Variants in BTBD9 observed in about 807,000 individuals in gnomAD.
BTBD9 encodes the protein BTB domain containing 9, also known as BTB/POZ domain-containing protein 9.
BTBD9 carries 49 observed loss-of-function variants against 64.3 expected under a neutral mutation model. That is an observed-to-expected ratio of 0.76 (90% confidence interval 0.61 to 0.97). BTBD9 has a LOEUF of 0.97. Ranked by LOEUF, BTBD9 falls within the 50% of genes least tolerant of loss-of-function variation. The pLI, the probability that BTBD9 is intolerant of heterozygous loss-of-function variation, is 0.00. For missense variants in BTBD9, 598 were observed against 762.1 expected, an observed-to-expected ratio of 0.78 and a Z score of 2.53; for synonymous variants, 260 against 274.7, an observed-to-expected ratio of 0.95 and a Z score of 0.53.
intron 9 of BTBD9, among the ~76,000 whole-genome samples, chr6:38,198,356 G>C (rs563177925): frequency 6.6e-6 from 1 of 152,288 alleles, no homozygotes; most frequent in East Asian, 1.9e-4. Flanking sequence ...AGAAGCAGAG[G>C]ACAGGAGAGC....
intron 1 of BTBD9, among the ~76,000 whole-genome samples, chr6:38,620,639 G>A (rs189446563): frequency 6.8e-4 from 103 of 152,262 alleles, no homozygotes; most frequent in African/African-American, 1.7e-3. Context: ...TAAACCGAAG[G>A]CCCAGCTCTG....
rs1762119672 is a variant in BTBD9 at position 38,192,528 on chromosome 6, T to C, written c.1632A>G (p.Thr544=). 6.2e-7 allele frequency: 1 copy of C among 1,613,640 alleles called. No homozygotes were observed. Among genetic ancestry groups the C allele is most frequent in the South Asian group, 1.1e-5 (1 of 91,036 alleles). Residue 544 remains threonine (T), a synonymous_variant, in exon 10 of 11, where the codon ACA becomes ACG. Coordinates refer to ENST00000481247, the MANE Select transcript of BTBD9 (RefSeq NM_001099272.2). ...GAAAAGAGACCCTTACCTCATTTGCTGTGTTGTGTGTCCCAACGATACGGA... is the reference window on the plus strand; with the variant it reads ...GAAAAGAGACCCTTACCTCATTTGCCGTGTTGTGTGTCCCAACGATACGGA... ...SFIRIVGTHN[T]ANEVFHCVHF...
At chr6:38,289,687 T>C (rs567323109) in intron 7 of BTBD9, among the ~76,000 whole-genome samples, 94 of 152,342 alleles carry the variant, frequency 6.2e-4, no homozygotes, top group African/African-American at 1.9e-3. Flanking sequence ...GCAACATATA[T>C]GCTCTTCCCA....
chr6:38,636,470 C>T lies in BTBD9; in HGVS notation c.-28+3330G>A, dbSNP rs13213498. ...TCTCCACTTCAAACCTGTTCCTCTT[C>T]CTGTGATTTCTAACTTAATGTCATC... is the stretch of plus-strand genomic sequence containing the variant. On this transcript the variant is annotated intron_variant, in intron 1 of 10. Coordinates refer to ENST00000481247, the MANE Select transcript of BTBD9 (RefSeq NM_001099272.2). Among the ~76,000 whole-genome samples the T allele has an allele frequency of 3.7e-3, 557 of 152,318 alleles. 7 individuals are homozygous for T. The highest frequency in any genetic ancestry group is 0.014 in the Middle Eastern group (4 of 294).
chr6:38,405,176 T>C (rs563820774), intron 6 of BTBD9, among the ~76,000 whole-genome samples: 1 of 152,336 alleles, frequency 6.6e-6, no homozygotes, highest in Admixed American at 6.5e-5. Context: ...GAATGCTAAA[T>C]AGACAATCTA....
intron 6 of BTBD9, among the ~76,000 whole-genome samples, chr6:38,370,931 C>T (rs1441478244): frequency 6.6e-6 from 1 of 152,152 alleles, no homozygotes; most frequent in Non-Finnish European, 1.5e-5. Context: ...CCAGTTTCCA[C>T]ATGGGAAATG....
chr6:38,185,723 GCTTT>G (rs1761787534), intron 10 of BTBD9, among the ~76,000 whole-genome samples: 1 of 152,314 alleles, frequency 6.6e-6, no homozygotes, highest in African/African-American at 2.4e-5. Flanking sequence ...TTGTCCCCTT[GCTTT>G]CTTTTTCTTA....
At chr6:38,284,877 C>T (rs1761670143) in intron 8 of BTBD9, among the ~76,000 whole-genome samples, 1 of 151,154 alleles carries the variant, frequency 6.6e-6, no homozygotes, top group Non-Finnish European at 1.5e-5. Flanking sequence ...GAGATGCAAA[C>T]AATGATATCA....
intron 9 of BTBD9, among the ~76,000 whole-genome samples, chr6:38,241,599 G>A (rs960913406): frequency 2.0e-5 from 3 of 152,232 alleles, no homozygotes; most frequent in East Asian, 1.9e-4. Flanking sequence ...GCTGGTAAAT[G>A]TGTGCAATTC....
intron 6 of BTBD9, among the ~76,000 whole-genome samples, chr6:38,491,322 T>C (rs1042113876): frequency 2.6e-5 from 4 of 152,228 alleles, no homozygotes; most frequent in African/African-American, 9.6e-5. Context: ...AGTTACATAA[T>C]AGTGGCATTG....
intron 1 of BTBD9, among the ~76,000 whole-genome samples, chr6:38,635,250 C>T: frequency 6.6e-6 from 1 of 152,046 alleles, no homozygotes; most frequent in East Asian, 1.9e-4. Context: ...ATTCTCTTGC[C>T]TTAACCTCCT....
intron 1 of BTBD9, among the ~76,000 whole-genome samples, chr6:38,600,141 T>C (rs1190773877): frequency 6.6e-6 from 1 of 152,202 alleles, no homozygotes; most frequent in Admixed American, 6.5e-5. Context: ...CTGTGTAATA[T>C]AGGAGCTGGA....
chr6:38,523,664 CCAA>C (rs1012657641), intron 6 of BTBD9, among the ~76,000 whole-genome samples: 109 of 152,306 alleles, frequency 7.2e-4, no homozygotes, highest in African/African-American at 2.4e-3. Flanking sequence ...ATAAGTTCTT[CCAA>C]CAACATTTTA....
chr6:38,293,014 T>C (rs1460351987), intron 7 of BTBD9, among the ~76,000 whole-genome samples: 1 of 152,318 alleles, frequency 6.6e-6, no homozygotes, highest in Non-Finnish European at 1.5e-5. Context: ...TTCTGGTATG[T>C]TGTGTCTTTG....
Position 38,323,682 on chromosome 6 carries a change from C to T in BTBD9, c.1264+21302G>A, listed in dbSNP as rs74658749. On this transcript the variant is annotated intron_variant, in intron 7 of 10. Transcript: ENST00000481247. Reference sequence around the variant, plus strand: ...TACTTATAGTAGGTTAACTCTCCCTCCTAGTATTGCTGAGGTCTTAGATAT... The same window carrying T: ...TACTTATAGTAGGTTAACTCTCCCTTCTAGTATTGCTGAGGTCTTAGATAT... Among the ~76,000 whole-genome samples the T allele has an allele frequency of 5.3e-3, 801 of 152,336 alleles. 6 individuals carry two copies. Among genetic ancestry groups the T allele is most frequent in the African/African-American group, 0.018 (744 of 41,584 alleles).
chr6:38,393,218 A>T (rs1290795135), intron 6 of BTBD9, among the ~76,000 whole-genome samples: 1 of 152,208 alleles, frequency 6.6e-6, no homozygotes, highest in African/African-American at 2.4e-5. Context: ...TAATGGGAAT[A>T]AAAAGAATAA....
intron 7 of BTBD9, among the ~76,000 whole-genome samples, chr6:38,327,759 G>A (rs1763499319): frequency 6.6e-6 from 1 of 152,154 alleles, no homozygotes. Flanking sequence ...TCACAGATTA[G>A]TTTGCATTAC....
intron 1 of BTBD9, among the ~76,000 whole-genome samples, chr6:38,605,051 C>T (rs1425667328): frequency 1.4e-5 from 2 of 143,156 alleles, no homozygotes; most frequent in Non-Finnish European, 1.5e-5. Flanking sequence ...TTTGCTAATT[C>T]TTTTTTTTTT....
chr6:38,552,380 A>G (rs1209917328), intron 6 of BTBD9, among the ~76,000 whole-genome samples: 1 of 152,220 alleles, frequency 6.6e-6, no homozygotes, highest in Non-Finnish European at 1.5e-5. Context: ...AGGAAGTATA[A>G]AAGTAGTCCA....
Sources: gnomAD v4.1 joint callset for allele counts (sites outside exome capture counted in the v4.1 genomes callset) on GRCh38, gnomAD v4.1.1 for gene constraint, MANE v1.5 for transcripts, NCBI Gene and HGNC (gene_info 2026-07-23, HGNC 2026-07-21) for gene names.